INSL6: variants seen among roughly 807,000 people sequenced by gnomAD.
INSL6 encodes insulin-like peptide INSL6.
A neutral mutation model predicts 9.4 loss-of-function variants in INSL6; 16 were observed. The observed-to-expected ratio is 1.70, with a 90% confidence interval of 1.15 to 2.59. The LOEUF (loss-of-function observed/expected upper bound fraction) is 2.59. INSL6 is among the 30% of genes most tolerant of loss of function. INSL6 has a pLI of 0.00. For synonymous variants in INSL6, 154 were observed against 96.9 expected (o/e 1.59, Z -3.46); for missense variants, 391 against 257.3 (o/e 1.52, Z -3.56).
Position 5,185,199 on chromosome 9 carries a change from G to C in INSL6, c.289+115C>G, listed in dbSNP as rs138186233. 1,987 of 1,290,598 alleles carry C rather than the reference G, an allele frequency of 1.5e-3. 7 individuals are homozygous for C. The highest frequency in any genetic ancestry group is 1.7e-3 in the Non-Finnish European group (1,497 of 891,688). The allele number at this position is 1,290,598 out of a possible 1,614,324, so 79.9% of individuals were successfully genotyped here. A position where few individuals can be genotyped will look rare whatever the true frequency, so the allele number is the denominator to read the frequency against. ...ACTGTTTTTTACAATTTTTTAAAGA[G>C]CTGTGTACTAGGCACAAATTCCACT... On this transcript the variant is annotated intron_variant, in intron 1 of 1. Transcript: ENST00000381641.
chr9:5,180,604 C>T (rs10974991), intron 1 of INSL6, among the ~76,000 whole-genome samples: 23,323 of 152,064 alleles, frequency 0.15, 2,085 homozygotes, highest in Middle Eastern at 0.22. Flanking sequence ...ACGCCCTGGT[C>T]TCCTGCAGTA....
At chr9:5,080,219 C>A in the INSL6 span, 1 of 1,600,344 alleles carries the variant, frequency 6.2e-7, no homozygotes, top group Admixed American at 1.7e-5. Flanking sequence ...CTGTTCGTAT[C>A]ATTTAAAAGT....
At chr9:5,126,371 G>A (rs1403668190) in intron 3 of INSL6, 1 of 1,610,920 alleles carries the variant, frequency 6.2e-7, no homozygotes, top group Non-Finnish European at 8.5e-7. Context: ...AACAAGGACA[G>A]ATGATCGTGT....
the INSL6 span, chr9:5,064,802 A>C: frequency 9.5e-7 from 1 of 1,053,922 alleles, no homozygotes; most frequent in East Asian, 2.5e-5. Context: ...TGTATTTAAC[A>C]TGGAATGAAG....
chr9:5,006,109 A>C, the INSL6 span, among the ~76,000 whole-genome samples: 17 of 152,292 alleles, frequency 1.1e-4, no homozygotes, highest in African/African-American at 3.4e-4. Context: ...CACGATATTG[A>C]TTCTTCCTAC....
the INSL6 span, among the ~76,000 whole-genome samples, chr9:5,035,890 G>C: frequency 6.6e-6 from 1 of 152,212 alleles, no homozygotes; most frequent in Non-Finnish European, 1.5e-5. Flanking sequence ...GGGCAGTCAG[G>C]CTGGAGAAGG....
chr9:5,056,561 A>G, the INSL6 span, among the ~76,000 whole-genome samples: 4 of 152,170 alleles, frequency 2.6e-5, no homozygotes, highest in African/African-American at 9.6e-5. Context: ...TTAGATAAAA[A>G]TATGATAGTA....
At chr9:5,015,065 C>T in the INSL6 span, among the ~76,000 whole-genome samples, 2 of 152,092 alleles carry the variant, frequency 1.3e-5, no homozygotes, top group African/African-American at 4.8e-5. Context: ...ACTGCTTTTG[C>T]AACATTGTAT....
intron 2 of INSL6, among the ~76,000 whole-genome samples, chr9:5,152,982 T>G (rs1824740536): frequency 6.6e-6 from 1 of 152,044 alleles, no homozygotes; most frequent in Non-Finnish European, 1.5e-5. Flanking sequence ...GCGAAGCCAT[T>G]AGGGACTGTA....
the INSL6 span, among the ~76,000 whole-genome samples, chr9:4,992,716 T>A: frequency 6.6e-6 from 1 of 152,184 alleles, no homozygotes; most frequent in Non-Finnish European, 1.5e-5. Flanking sequence ...TGAGGACCCA[T>A]GAAGAGACAG....
chr9:5,069,436 A>C, the INSL6 span, among the ~76,000 whole-genome samples: 1 of 152,160 alleles, frequency 6.6e-6, no homozygotes, highest in Non-Finnish European at 1.5e-5. Context: ...TTTTAAACAT[A>C]ATGTGTGGTA....
chr9:5,100,862 C>T, the INSL6 span: 50,882 of 152,190 alleles, frequency 0.33, 8,841 homozygotes, highest in African/African-American at 0.44. Flanking sequence ...CATGTTATTA[C>T]TGGATCAACA....
the INSL6 span, chr9:5,066,891 G>C: frequency 4.3e-6 from 2 of 467,642 alleles, no homozygotes; most frequent in African/African-American, 2.0e-5. Flanking sequence ...GAGAATTATA[G>C]CTTTGGATAT....
the INSL6 span, chr9:5,085,372 T>G: frequency 1.1e-6 from 1 of 902,428 alleles, no homozygotes; most frequent in Non-Finnish European, 1.9e-6. Flanking sequence ...GGTGATCTCA[T>G]GCACCACTGG....
intron 2 of INSL6, among the ~76,000 whole-genome samples, chr9:5,154,991 C>G (rs543525154): frequency 1.8e-4 from 27 of 151,944 alleles, no homozygotes; most frequent in African/African-American, 6.3e-4. Flanking sequence ...ACCCAAAGGA[C>G]TATAAATCAT....
At chr9:5,138,421 C>T (rs754517079) in intron 2 of INSL6, among the ~76,000 whole-genome samples, 3 of 152,160 alleles carry the variant, frequency 2.0e-5, no homozygotes, top group African/African-American at 4.8e-5. Flanking sequence ...GATGAGTTCA[C>T]GCCCTTTGCA....
At chr9:5,165,659 G>T (rs1367821822) in intron 1 of INSL6, among the ~76,000 whole-genome samples, 1 of 152,076 alleles carries the variant, frequency 6.6e-6, no homozygotes, top group Non-Finnish European at 1.5e-5. Context: ...AAACCATTTT[G>T]TTCTTTATTA....
At chr9:4,998,750 AAAC>A in the INSL6 span, among the ~76,000 whole-genome samples, 1 of 152,016 alleles carries the variant, frequency 6.6e-6, no homozygotes, top group Non-Finnish European at 1.5e-5. Flanking sequence ...ACAAAAAAAA[AAAC>A]AACAAAAAAC....
At chr9:5,149,492 G>A (rs1824671200) in intron 2 of INSL6, among the ~76,000 whole-genome samples, 1 of 152,010 alleles carries the variant, frequency 6.6e-6, no homozygotes, top group South Asian at 2.1e-4. Flanking sequence ...AATCCTATTT[G>A]CAATAGCTAC....
Sources: allele counts gnomAD v4.1 joint callset (sites outside exome capture counted in the v4.1 genomes callset), GRCh38; gene constraint gnomAD v4.1.1; transcripts MANE v1.5; gene names NCBI Gene and HGNC (gene_info 2026-07-23, HGNC 2026-07-21).